The following DEFB124 variants were observed in gnomAD, a reference collection of about 807,000 sequenced individuals.
The protein encoded by DEFB124 is beta-defensin 124.
For missense variants in DEFB124, 78 were observed against 83.1 expected (o/e 0.94, Z 0.24); for synonymous variants, 38 against 36.5 (o/e 1.04, Z -0.15).
chr20:31,470,271 C>A (rs1453582651), intron 2 of DEFB124, among the ~76,000 whole-genome samples: 17 of 145,160 alleles, frequency 1.2e-4, no homozygotes, highest in East Asian at 2.1e-4. Flanking sequence ...CCCCACCTCC[C>A]TCCCGGACGG....
rs1980063721 is a variant in DEFB124 at position 31,465,615 on chromosome 20, GT to G, written c.106del (p.Thr36LeufsTer25). On this transcript the variant is annotated frameshift_variant, in exon 3 of 3. Transcript: ENST00000317676. LOFTEE classifies it low-confidence loss of function (END_TRUNC). ...RCWKGQGACQ[T>X]YCTRQETYMH... is the part of the protein sequence containing the mutation. ...GTAAGTTTCTTGCCTTGTGCAGTAA[GT>G]TTGGCAGGCCCCTTGACCCTTCCAG... The G allele has an allele frequency of 1.2e-6, 2 of 1,614,084 alleles. No individual in the cohort carries two copies. The highest frequency in any genetic ancestry group is 2.2e-5 in the South Asian group (2 of 91,084).
rs369305241 is a variant in DEFB124, at chr20:31,466,606, A to AATATATAT, written c.59-951_59-944dup. Among the ~76,000 whole-genome samples the AATATATAT allele has an allele frequency of 5.6e-4, 68 of 120,490 alleles. 3 individuals carry two copies. Among genetic ancestry groups the AATATATAT allele is most frequent in the African/African-American group, 2.4e-3 (59 of 24,160 alleles). The allele number at this position is 120,490 out of a possible 152,430, so 79.0% of individuals were successfully genotyped here. A position where few individuals can be genotyped will look rare whatever the true frequency, so the allele number is the denominator to read the frequency against. ...CAAACTAAGACTCCATCTCAAAAAG[A>AATATATAT]ATATATATATATATATAAAACCTTA... On this transcript the variant is annotated intron_variant, in intron 2 of 2. Coordinates refer to ENST00000317676, the MANE Select transcript of DEFB124 (RefSeq NM_001037500.2).
chr20:31,471,763 C>T (rs1362339851), intron 2 of DEFB124, among the ~76,000 whole-genome samples: 167 of 149,252 alleles, frequency 1.1e-3, no homozygotes, highest in South Asian at 5.4e-3. Context: ...ACATCCCAGA[C>T]GGGGCGGCGG....
chr20:31,473,080 T>C, intron 1 of DEFB124, 42 bp from the exon 2 acceptor site: 1 of 1,573,552 alleles, frequency 6.4e-7, no homozygotes. Flanking sequence ...AGGCTGAGCC[T>C]CGCTGCTTCC....
In DEFB124 at chr20:31,465,545, T is replaced by G. The variant is rs757939341; in HGVS notation, c.177A>C (p.Ala59=). Reference sequence around the variant, plus strand: ...GCTTGGGGACCGGTGGAGGTTTCAATGCATAGGAGAGACAGCACAGGGACG... The same window carrying G: ...GCTTGGGGACCGGTGGAGGTTTCAAGGCATAGGAGAGACAGCACAGGGACG... ...PDASLCCLSY[A]LKPPPVPKHE... is the part of the protein sequence containing the mutation. The change falls in exon 3 of 3, where the codon GCA becomes GCC. Residue 59 remains alanine (A), a synonymous_variant. Transcript: ENST00000317676. 3.7e-6 allele frequency: 6 copies of G among 1,614,048 alleles called. No individual in the cohort carries two copies. The highest frequency in any genetic ancestry group is 1.1e-5 in the South Asian group (1 of 91,082).
chr20:31,470,117 G>A (rs561855438), intron 2 of DEFB124, among the ~76,000 whole-genome samples: 2 of 131,740 alleles, frequency 1.5e-5, no homozygotes, highest in Non-Finnish European at 3.2e-5. Context: ...GCGGCTGGCC[G>A]GGCAGCGGGG....
chr20:31,474,050 A>G (rs1980407393), intron 1 of DEFB124, among the ~76,000 whole-genome samples: 1 of 152,240 alleles, frequency 6.6e-6, no homozygotes, highest in African/African-American at 2.4e-5. Flanking sequence ...TTTTCCTGGG[A>G]GGAGAGGTTG....
At chr20:31,470,996 C>T (rs1219932028) in intron 2 of DEFB124, among the ~76,000 whole-genome samples, 1 of 136,326 alleles carries the variant, frequency 7.3e-6, no homozygotes, top group Non-Finnish European at 1.6e-5. Context: ...GGGCGGCTGG[C>T]CGGGCAGGGG....
chr20:31,473,010 T>A lies in DEFB124; in HGVS notation c.4A>T (p.Thr2Ser). The A allele has an allele frequency of 6.2e-7, 1 of 1,614,020 alleles. No homozygotes were observed. M[T>S]QLLLFLVALL... ...GCCACAAGGAACAGAAGCAGCTGTG[T>A]CATGGCCACGGGGCTCCTGGGGAGG... The change falls in exon 2 of 3, where the codon ACA (threonine) becomes TCA (serine). Residue 2 changes from threonine (T) to serine (S), a missense_variant. By Grantham distance (58) the Thr-to-Ser change is moderately conservative. Coordinates refer to ENST00000317676, the MANE Select transcript of DEFB124 (RefSeq NM_001037500.2).
At chr20:31,470,103 CGG>C (rs1980195796) in intron 2 of DEFB124, among the ~76,000 whole-genome samples, 1 of 129,534 alleles carries the variant, frequency 7.7e-6, no homozygotes. Context: ...CCCTCCCGGA[CGG>C]AGCGGCTGGC....
intron 2 of DEFB124, among the ~76,000 whole-genome samples, chr20:31,468,600 C>A (rs978716230): frequency 1.3e-5 from 2 of 151,800 alleles, no homozygotes; most frequent in Non-Finnish European, 2.9e-5. Flanking sequence ...CTCAGCCTCC[C>A]GAGTAGCTGG....
intron 1 of DEFB124, 125 bp from the exon 2 acceptor site, chr20:31,473,163 T>C: frequency 2.6e-6 from 2 of 779,746 alleles, no homozygotes; most frequent in Non-Finnish European, 2.0e-6. Context: ...TATGAGGCCA[T>C]GTGGTCCCCA....
chr20:31,470,050 CGG>C (rs1980192467), intron 2 of DEFB124, among the ~76,000 whole-genome samples: 1 of 132,744 alleles, frequency 7.5e-6, no homozygotes, highest in African/African-American at 3.1e-5. Context: ...CCTCACCTCC[CGG>C]ACGGGGCGGC....
At chr20:31,470,469 T>A (rs548411543) in intron 2 of DEFB124, among the ~76,000 whole-genome samples, 60 of 55,410 alleles carry the variant, frequency 1.1e-3, no homozygotes, top group East Asian at 1.8e-3. Flanking sequence ...GTGGCTGGCC[T>A]GGCAGAGGGG....
rs1435150188 is a variant in DEFB124 at position 31,473,000 on chromosome 20, A to G, written c.14T>C (p.Leu5Pro). Reference protein sequence around the residue: MTQLLLFLVALLVLG... With the variant: MTQLPLFLVALLVLG... ...AACCAGGAGAGCCACAAGGAACAGA[A>G]GCAGCTGTGTCATGGCCACGGGGCT... The change falls in exon 2 of 3, where the codon CTT (leucine) becomes CCT (proline). Residue 5 changes from leucine (L) to proline (P), a missense_variant. By Grantham distance (98) the Leu-to-Pro change is moderately conservative. Coordinates refer to ENST00000317676, the MANE Select transcript of DEFB124 (RefSeq NM_001037500.2). 8.1e-6 allele frequency: 13 copies of G among 1,614,014 alleles called. No homozygotes were observed. The Admixed American group carries it at 2.2e-4, about 27-fold the overall frequency.
rs1980127527 is a variant in DEFB124, at chr20:31,468,158, T to C, written c.59-2495A>G. Among the ~76,000 whole-genome samples, 3 of 152,188 alleles carry C rather than the reference T, an allele frequency of 2.0e-5. No homozygotes were observed. The South Asian group carries it at 6.2e-4, about 32-fold the overall frequency. ...GATCTGCACTCTCTTCCTCATATCT[T>C]TGACTCTGTCTCCCACCAATTTCCT... On this transcript the variant is annotated intron_variant, in intron 2 of 2. Transcript: ENST00000317676.
chr20:31,469,872 T>C (rs958559306), intron 2 of DEFB124, among the ~76,000 whole-genome samples: 13 of 148,346 alleles, frequency 8.8e-5, no homozygotes, highest in Admixed American at 2.7e-4. Context: ...ACGGCAACCA[T>C]CCGATTTCTC....
chr20:31,471,744 G>C (rs1196661810), intron 2 of DEFB124, among the ~76,000 whole-genome samples: 1 of 148,416 alleles, frequency 6.7e-6, no homozygotes, highest in Non-Finnish European at 1.5e-5. Flanking sequence ...CCTGGCAGAG[G>C]CGCTCCTCAC....
In DEFB124 at chr20:31,474,635, A is replaced by AT. The variant is rs892054200; in HGVS notation, c.-35dup. Among the ~76,000 whole-genome samples the AT allele has an allele frequency of 4.9e-4, 73 of 148,758 alleles. No individual in the cohort carries two copies. The highest frequency in any genetic ancestry group is 2.1e-3 in the South Asian group (10 of 4,700). On this transcript the variant is annotated 5_prime_UTR_variant, in exon 1 of 3. In the 5' UTR this introduces an upstream ATG that the reference lacks. Transcript: ENST00000317676. Reference sequence around the variant, plus strand: ...TTCCTCCTCCTCCATACCTGGGAGCATTTTTTTTTTCAGCCATCAGTAATA... The same window carrying AT: ...TTCCTCCTCCTCCATACCTGGGAGCATTTTTTTTTTTCAGCCATCAGTAATA...
Sources: gnomAD v4.1 joint callset for allele counts (sites outside exome capture counted in the v4.1 genomes callset) on GRCh38, gnomAD v4.1.1 for gene constraint, MANE v1.5 for transcripts, NCBI Gene and HGNC (gene_info 2026-07-23, HGNC 2026-07-21) for gene names.